The following CAMK2D variants were observed in gnomAD, a reference collection of about 807,000 sequenced individuals.
CAMK2D encodes calcium/calmodulin dependent protein kinase II delta, also known as calcium/calmodulin-dependent protein kinase type II subunit delta.
In CAMK2D, 37 loss-of-function variants were observed where a neutral mutation model predicts 84.0. The ratio of observed to expected loss-of-function variants is 0.44; its 90% CI spans 0.34 to 0.58. CAMK2D has a LOEUF of 0.58. Ranked by LOEUF, CAMK2D falls within the 20% of genes least tolerant of loss-of-function variation. The pLI, the probability that CAMK2D is intolerant of heterozygous loss-of-function variation, is 0.02. For synonymous variants in CAMK2D, 202 were observed against 212.5 expected (o/e 0.95, Z 0.43); for missense variants, 448 against 652.5 (o/e 0.69, Z 3.41).
At chr4:113,677,307 C>T (rs1410949277) in intron 2 of CAMK2D, among the ~76,000 whole-genome samples, 1 of 152,042 alleles carries the variant, frequency 6.6e-6, no homozygotes, top group Non-Finnish European at 1.5e-5. Flanking sequence ...CTGTCTCTAA[C>T]AAAATAAGGC....
intron 2 of CAMK2D, among the ~76,000 whole-genome samples, chr4:113,699,681 T>C (rs1407982459): frequency 1.3e-5 from 2 of 152,198 alleles, no homozygotes; most frequent in Admixed American, 6.5e-5. Flanking sequence ...AACTCCAATA[T>C]AGTATATACA....
intron 2 of CAMK2D, among the ~76,000 whole-genome samples, chr4:113,729,978 T>C (rs1244179037): frequency 6.6e-6 from 1 of 152,222 alleles, no homozygotes; most frequent in Middle Eastern, 3.2e-3. Context: ...ACCCAGTCTA[T>C]GGCATTCTGT....
chr4:113,741,476 A>T (rs1337549592), intron 2 of CAMK2D, among the ~76,000 whole-genome samples: 2 of 152,134 alleles, frequency 1.3e-5, no homozygotes, highest in Non-Finnish European at 2.9e-5. Context: ...AAACTTTATC[A>T]TATTTATGTA....
At chr4:113,657,347 G>T (rs913012729) in intron 3 of CAMK2D, among the ~76,000 whole-genome samples, 2 of 152,068 alleles carry the variant, frequency 1.3e-5, no homozygotes, top group Non-Finnish European at 2.9e-5. Flanking sequence ...AAAGCTTTGG[G>T]AAAAGAGGGC....
chr4:113,509,169 C>T (rs1012575862), intron 13 of CAMK2D, among the ~76,000 whole-genome samples: 13 of 152,094 alleles, frequency 8.5e-5, no homozygotes, highest in Admixed American at 2.0e-4. Context: ...TAATTAAGAC[C>T]TTTATAAAAA....
At chr4:113,639,263 A>G (rs889093711) in intron 3 of CAMK2D, among the ~76,000 whole-genome samples, 39 of 152,050 alleles carry the variant, frequency 2.6e-4, no homozygotes, top group African/African-American at 8.5e-4. Flanking sequence ...AATAAAAAGA[A>G]GGAAAAAGAA....
intron 2 of CAMK2D, among the ~76,000 whole-genome samples, chr4:113,747,451 G>A (rs1051673148): frequency 3.3e-5 from 5 of 151,872 alleles, no homozygotes; most frequent in Admixed American, 6.6e-5. Context: ...AAATACCTGT[G>A]GTGGGTGCCA....
At chr4:113,478,918 A>G (rs979535275) in intron 16 of CAMK2D, among the ~76,000 whole-genome samples, 7 of 152,138 alleles carry the variant, frequency 4.6e-5, no homozygotes, top group African/African-American at 1.4e-4. Context: ...ACATAATGGT[A>G]TAAGTTTTTG....
At chr4:113,598,963 A>G (rs1317726363) in intron 4 of CAMK2D, among the ~76,000 whole-genome samples, 1 of 152,198 alleles carries the variant, frequency 6.6e-6, no homozygotes, top group Non-Finnish European at 1.5e-5. Context: ...CTCAAAGCTT[A>G]ACATGAAAAT....
intron 3 of CAMK2D, among the ~76,000 whole-genome samples, chr4:113,629,053 A>C (rs2099078810): frequency 6.6e-6 from 1 of 152,020 alleles, no homozygotes. Flanking sequence ...ATATATATAT[A>C]ACTCAGCAGT....
At chr4:113,536,881 C>T (rs544388555) in intron 7 of CAMK2D, among the ~76,000 whole-genome samples, 1 of 152,160 alleles carries the variant, frequency 6.6e-6, no homozygotes, top group African/African-American at 2.4e-5. Flanking sequence ...TAAATAGATG[C>T]TTCATAATTT....
intron 3 of CAMK2D, among the ~76,000 whole-genome samples, chr4:113,642,858 C>A (rs2154295779): frequency 6.6e-6 from 1 of 152,174 alleles, no homozygotes; most frequent in South Asian, 2.1e-4. Flanking sequence ...CAGTTTCTAC[C>A]CTACACCTTG....
chr4:113,634,034 T>A (rs1198380239), intron 3 of CAMK2D, among the ~76,000 whole-genome samples: 1 of 152,254 alleles, frequency 6.6e-6, no homozygotes, highest in East Asian at 1.9e-4. Flanking sequence ...TTTTGTCACC[T>A]TTGCTTTTAA....
intron 3 of CAMK2D, among the ~76,000 whole-genome samples, chr4:113,625,287 C>T (rs983055570): frequency 1.9e-4 from 29 of 152,096 alleles, no homozygotes; most frequent in Admixed American, 1.8e-3. Context: ...AACAAAATAA[C>T]GTGCCTGAGC....
Position 113,451,410 on chromosome 4 carries a change from T to C in CAMK2D, c.*3135A>G, listed in dbSNP as rs2097257030. ...TCAGAATAGTTATACTGCTACCATT[T>C]AATTTCTATCAAATATCATTCTAGT... On this transcript the variant is annotated 3_prime_UTR_variant, in exon 21 of 21. Transcript: ENST00000511664. The C allele has an allele frequency of 6.6e-6, 1 of 152,228 alleles. No individual in the cohort carries two copies. The highest frequency in any genetic ancestry group is 1.5e-5 in the Non-Finnish European group (1 of 68,042). The allele number at this position is 152,228 out of a possible 1,614,324, so 9.4% of individuals were successfully genotyped here.
chr4:113,647,086 T>C (rs1446996627), intron 3 of CAMK2D, among the ~76,000 whole-genome samples: 8 of 152,204 alleles, frequency 5.3e-5, no homozygotes, highest in African/African-American at 2.4e-5. Context: ...TTCAGATTAA[T>C]TGGGGAAAAG....
At chr4:113,574,815 G>A (rs1387654549) in intron 4 of CAMK2D, among the ~76,000 whole-genome samples, 1 of 152,144 alleles carries the variant, frequency 6.6e-6, no homozygotes, top group African/African-American at 2.4e-5. Context: ...TGTTACATAT[G>A]TGTTCCAAAT....
At chr4:113,725,046 T>G (rs2148680387) in intron 2 of CAMK2D, among the ~76,000 whole-genome samples, 1 of 152,154 alleles carries the variant, frequency 6.6e-6, no homozygotes, top group African/African-American at 2.4e-5. Context: ...TTCCAAAGGA[T>G]CCATTTCTCA....
chr4:113,615,406 C>T (rs939486634), intron 3 of CAMK2D, among the ~76,000 whole-genome samples: 4 of 152,078 alleles, frequency 2.6e-5, no homozygotes, highest in African/African-American at 9.7e-5. Context: ...GAAATTTCAG[C>T]TCAACCATTA....
Sources: gnomAD v4.1 joint callset for allele counts (sites outside exome capture counted in the v4.1 genomes callset) on GRCh38, gnomAD v4.1.1 for gene constraint, MANE v1.5 for transcripts, NCBI Gene and HGNC (gene_info 2026-07-23, HGNC 2026-07-21) for gene names.